The following PAPOLG variants were observed in gnomAD, a reference collection of about 807,000 sequenced individuals.
PAPOLG encodes PAP-gamma.
In PAPOLG, 40 loss-of-function variants were observed where a neutral mutation model predicts 99.0. The observed-to-expected ratio is 0.40, with a 90% CI of 0.31 to 0.53. The LOEUF is 0.53. Ranked by LOEUF, PAPOLG falls within the 20% of genes least tolerant of loss-of-function variation. The pLI is 0.41. For synonymous variants in PAPOLG, 310 were observed against 299.3 expected (o/e 1.04, Z -0.37); for missense variants, 675 against 884.1 (o/e 0.76, Z 3.00).
chr2:60,784,475 A>G lies in PAPOLG; in HGVS notation c.1166+1266A>G, dbSNP rs536169144. On this transcript the variant is annotated intron_variant, in intron 13 of 21. Transcript: ENST00000238714. ...TCCCTTCTGCCTCTACTATATTCAC[A>G]TCCTTGGCTCTATCAGACGGAAGCT... Among the ~76,000 whole-genome samples the G allele has an allele frequency of 2.6e-5, 4 of 152,190 alleles. No homozygotes were observed. In the South Asian group the frequency reaches 8.3e-4, roughly 32 times the overall value.
Position 60,799,232 on chromosome 2 carries a change from C to A in PAPOLG, c.*2072C>A, listed in dbSNP as rs1255640707. 6.6e-6 allele frequency: 1 copy of A among 152,228 alleles called. No individual in the cohort carries two copies. Among genetic ancestry groups the A allele is most frequent in the Non-Finnish European group, 1.5e-5 (1 of 68,016 alleles). The allele number at this position is 152,228 out of a possible 1,614,324, so 9.4% of individuals were successfully genotyped here. On this transcript the variant is annotated 3_prime_UTR_variant, in exon 22 of 22. Coordinates refer to ENST00000238714, the MANE Select transcript of PAPOLG (RefSeq NM_022894.4). ...GAATTCCTTCTGTATCCATGTTTAC[C>A]CCATTATGTAAATAGATCTTTGGAG... is the stretch of plus-strand genomic sequence containing the variant.
chr2:60,787,964 C>G (rs1671417081), intron 15 of PAPOLG, among the ~76,000 whole-genome samples: 1 of 151,802 alleles, frequency 6.6e-6, no homozygotes, highest in Non-Finnish European at 1.5e-5. Flanking sequence ...ATTGCTTGAA[C>G]CTGGGAGGAG....
chr2:60,768,784 C>A lies in PAPOLG; in HGVS notation c.332C>A (p.Ala111Asp). 6.4e-7 allele frequency: 1 copy of A among 1,556,212 alleles called. No individual in the cohort carries two copies. The change falls in exon 5 of 22, where the codon GCT becomes GAT. Residue 111 changes from alanine to aspartate, a missense_variant. Physicochemically the swap from Ala to Asp is moderately radical, Grantham distance 126 (BLOSUM62 -2). Transcript: ENST00000238714. ...TAAGAACTACTTTAATTTACAGGAGCTGACATTGATGCACTTTGTGTAGCT... is the reference window on the plus strand; with the variant it reads ...TAAGAACTACTTTAATTTACAGGAGATGACATTGATGCACTTTGTGTAGCT... ...SYRLGVHTKGADIDALCVAPR... is the reference protein window; with the variant it reads ...SYRLGVHTKGDDIDALCVAPR...
At chr2:60,770,409 T>G (rs1670816206) in intron 5 of PAPOLG, 49 bp from the exon 6 acceptor site, 1 of 1,492,288 alleles carries the variant, frequency 6.7e-7, no homozygotes, top group African/African-American at 1.4e-5. Context: ...TTAGGAAGGA[T>G]AAAGAAGGGA....
At chr2:60,790,570 TAAGGCGTGAA>T (rs1671501233) in intron 15 of PAPOLG, among the ~76,000 whole-genome samples, 1 of 152,220 alleles carries the variant, frequency 6.6e-6, no homozygotes, top group Admixed American at 6.5e-5. Context: ...CATTTTCTTA[TAAGGCGTGAA>T]AAGCACTAGA....
intron 8 of PAPOLG, 99 bp from the exon 9 acceptor site, chr2:60,779,538 A>G (rs1222514436): frequency 2.3e-6 from 3 of 1,307,504 alleles, no homozygotes; most frequent in Non-Finnish European, 3.1e-6. Flanking sequence ...ACCTTGTTGA[A>G]TGTCACGGAT....
chr2:60,785,415 G>A (rs1671330839), intron 13 of PAPOLG, among the ~76,000 whole-genome samples: 1 of 152,162 alleles, frequency 6.6e-6, no homozygotes, highest in Non-Finnish European at 1.5e-5. Context: ...GGGATTACAG[G>A]CGTTAGCCAC....
At position 60,792,308 on chromosome 2, in the gene PAPOLG, T is replaced by C; in HGVS notation, c.1679+19T>C. The C allele has an allele frequency of 6.4e-7, 1 of 1,573,308 alleles. No homozygotes were observed. Among genetic ancestry groups the C allele is most frequent in the Non-Finnish European group, 8.6e-7 (1 of 1,159,138 alleles). On this transcript the variant is annotated intron_variant, in intron 17 of 21. Coordinates refer to ENST00000238714, the MANE Select transcript of PAPOLG (RefSeq NM_022894.4). ...CAGAAAGGTCTGTCTTTATTTCAAA[T>C]GTGTCCTTTTGGTTTTCTGTTCAGT...
chr2:60,791,658 G>A (rs1671540433), intron 15 of PAPOLG, 103 bp from the exon 16 acceptor site: 1 of 1,409,806 alleles, frequency 7.1e-7, no homozygotes, highest in Non-Finnish European at 9.5e-7. Flanking sequence ...GTGGCCGGTG[G>A]TGATAGTGGG....
intron 5 of PAPOLG, among the ~76,000 whole-genome samples, chr2:60,769,859 C>T (rs1430568613): frequency 6.6e-6 from 1 of 152,038 alleles, no homozygotes; most frequent in Non-Finnish European, 1.5e-5. Flanking sequence ...CCTATCAACC[C>T]ATTATCTAGG....
At chr2:60,774,858 A>T in intron 7 of PAPOLG, 176 bp from the exon 8 acceptor site, 2 of 684,002 alleles carry the variant, frequency 2.9e-6, no homozygotes, top group South Asian at 6.6e-5. Flanking sequence ...GTCTTTTTTA[A>T]TTACCCTAAA....
chr2:60,764,658 TC>T (rs1208533595), intron 3 of PAPOLG, among the ~76,000 whole-genome samples: 3 of 152,082 alleles, frequency 2.0e-5, no homozygotes, highest in African/African-American at 7.2e-5. Context: ...ACTCCTGAGT[TC>T]AAGCAATCCA....
chr2:60,783,500 CTTTTTTTTTTTTTTT>C (rs761205449), intron 13 of PAPOLG, among the ~76,000 whole-genome samples: 1 of 45,364 alleles, frequency 2.2e-5, no homozygotes, highest in African/African-American at 8.8e-5. Context: ...TTTACCCGGC[CTTTTTTTTTTTTTTT>C]TTTTTTTTTT....
rs1671543642 is a variant in PAPOLG, at chr2:60,791,799, G to A, written c.1435G>A (p.Gly479Arg). The change falls in exon 16 of 22, where the codon GGA (glycine) becomes AGA (arginine). Residue 479 changes from glycine to arginine, a missense_variant. Gly to Arg is a moderately radical substitution (Grantham distance 125, BLOSUM62 -2). Around this residue, in one of 3 missense-constraint regions of PAPOLG, gnomAD observed 413 missense variants for 460.5 expected, o/e 0.90. Transcript: ENST00000238714. ...QANNINMLKEGMKIEATHVKK... is the reference protein window; with the variant it reads ...QANNINMLKERMKIEATHVKK... ...AAACAATATAAATATGCTAAAGGAG[G>A]GAATGAAAATTGAAGCAACTCATGT... The A allele has an allele frequency of 6.2e-7, 1 of 1,613,354 alleles. No homozygotes were observed. Among genetic ancestry groups the A allele is most frequent in the Non-Finnish European group, 8.5e-7 (1 of 1,179,720 alleles).
chr2:60,778,776 G>A (rs1283171070), intron 8 of PAPOLG, among the ~76,000 whole-genome samples: 1 of 152,160 alleles, frequency 6.6e-6, no homozygotes, highest in East Asian at 1.9e-4. Flanking sequence ...TTGCACTGAA[G>A]GGATAACATG....
At chr2:60,789,190 G>A (rs2103817355) in intron 15 of PAPOLG, among the ~76,000 whole-genome samples, 2 of 151,992 alleles carry the variant, frequency 1.3e-5, no homozygotes, top group South Asian at 4.2e-4. Flanking sequence ...GGTGGGGGGA[G>A]CGGGGAGGGA....
In PAPOLG at chr2:60,793,609, A is replaced by C; in HGVS notation, c.1680-18A>C. ...ATATTTAAATCATTTATTGATGATA[A>C]TTTAACACTTTCATTAGGAATAGTG... On this transcript the variant is annotated intron_variant, in intron 17 of 21. Transcript: ENST00000238714. The C allele has an allele frequency of 6.2e-7, 1 of 1,612,012 alleles. No homozygotes were observed. Among genetic ancestry groups the C allele is most frequent in the African/African-American group, 1.3e-5 (1 of 74,908 alleles).
At chr2:60,758,947 A>G (rs1007917106) in intron 1 of PAPOLG, among the ~76,000 whole-genome samples, 2 of 152,230 alleles carry the variant, frequency 1.3e-5, no homozygotes, top group African/African-American at 4.8e-5. Context: ...CATGGTGAAG[A>G]TAAATGGTAG....
intron 1 of PAPOLG, 42 bp downstream of exon 1, chr2:60,756,537 G>C: frequency 3.2e-6 from 5 of 1,563,084 alleles, no homozygotes; most frequent in Non-Finnish European, 4.3e-6. Context: ...GCGGGTAGGG[G>C]TGAGCTGAGG....
Sources: allele counts gnomAD v4.1 joint callset (sites outside exome capture counted in the v4.1 genomes callset), GRCh38; gene constraint gnomAD v4.1.1; regional missense constraint gnomAD v4.1.1; transcripts MANE v1.5; gene names NCBI Gene and HGNC (gene_info 2026-07-23, HGNC 2026-07-21).